The following GTF2IRD2B variants were observed in gnomAD, a reference collection of about 807,000 sequenced individuals.
The protein encoded by GTF2IRD2B is general transcription factor II-I repeat domain-containing protein 2B.
Under a neutral mutation model 55.6 loss-of-function variants are expected in GTF2IRD2B, and 10 were observed. The ratio of observed to expected loss-of-function variants is 0.18; its 90% CI spans 0.11 to 0.31. The LOEUF (loss-of-function observed/expected upper bound fraction) is 0.31. GTF2IRD2B is among the 10% of genes least tolerant of loss of function. GTF2IRD2B has a pLI of 1.00. For synonymous variants in GTF2IRD2B, 107 were observed against 320.5 expected (o/e 0.33, Z 7.12); for missense variants, 206 against 802.7 (o/e 0.26, Z 8.98).
intron 1 of GTF2IRD2B, among the ~76,000 whole-genome samples, chr7:75,104,495 C>G (rs1807703439): frequency 6.8e-6 from 1 of 147,324 alleles, no homozygotes; most frequent in Non-Finnish European, 1.5e-5. Context: ...GGAAATAGCA[C>G]TAGGCAAAAA....
At chr7:75,102,554 G>A (rs1287200447) in intron 1 of GTF2IRD2B, among the ~76,000 whole-genome samples, 1 of 151,476 alleles carries the variant, frequency 6.6e-6, no homozygotes, top group Non-Finnish European at 1.5e-5. Context: ...TAATCCCAGT[G>A]TGGATGAGGG....
rs71229657 is a variant in GTF2IRD2B at position 75,119,191 on chromosome 7, C to CAAAAAAAAAAAAAAAAAAAAAAAAAA, written c.239-1685_239-1660dup. Reference sequence around the variant, plus strand: ...CTTAGGCGACAGAGTAAGACTCTCTCAAAAAAAAAAAAAAAAAAAAAAAAA... The same window carrying CAAAAAAAAAAAAAAAAAAAAAAAAAA: ...CTTAGGCGACAGAGTAAGACTCTCTCAAAAAAAAAAAAAAAAAAAAAAAAAAAAAAAAAAAAAAAAAAAAAAAAAAA... On this transcript the variant is annotated intron_variant, in intron 3 of 15. Transcript: ENST00000472837. Among the ~76,000 whole-genome samples, 2 of 5,128 alleles carry CAAAAAAAAAAAAAAAAAAAAAAAAAA rather than the reference C, an allele frequency of 3.9e-4. 1 individual carries two copies. Among genetic ancestry groups the CAAAAAAAAAAAAAAAAAAAAAAAAAA allele is most frequent in the Non-Finnish European group, 5.2e-4 (2 of 3,830 alleles). 3.4% of individuals were successfully genotyped at this position (5,128 alleles called of 152,430 possible).
At chr7:75,114,325 T>C (rs1808071270) in intron 3 of GTF2IRD2B, among the ~76,000 whole-genome samples, 1 of 151,690 alleles carries the variant, frequency 6.6e-6, no homozygotes, top group African/African-American at 2.4e-5. Flanking sequence ...TTGTAGATTT[T>C]TTTAAGATTC....
intron 8 of GTF2IRD2B, 85 bp from the exon 9 acceptor site, chr7:75,133,050 T>A (rs1808717649): frequency 3.4e-6 from 1 of 290,356 alleles, no homozygotes; most frequent in South Asian, 3.0e-5. Flanking sequence ...ATTGCTGTAT[T>A]AATCAACTTA....
chr7:75,130,100 T>TC, intron 8 of GTF2IRD2B, among the ~76,000 whole-genome samples: 2 of 97,582 alleles, frequency 2.0e-5, no homozygotes, highest in African/African-American at 7.2e-5. Flanking sequence ...TCTCTTTCTT[T>TC]CTTTCTTTCT....
chr7:75,126,768 G>A (rs1285912083), intron 8 of GTF2IRD2B, among the ~76,000 whole-genome samples: 6 of 148,120 alleles, frequency 4.1e-5, no homozygotes, highest in Admixed American at 6.7e-5. Flanking sequence ...AGGCTGAGGC[G>A]GACAGATCGC....
At chr7:75,104,971 G>T (rs1807730812) in intron 1 of GTF2IRD2B, among the ~76,000 whole-genome samples, 1 of 152,306 alleles carries the variant, frequency 6.6e-6, no homozygotes, top group South Asian at 2.1e-4. Flanking sequence ...GCAGAAGCAG[G>T]AAGATCGCTT....
chr7:75,133,450 C>G lies in GTF2IRD2B; in HGVS notation c.748+238C>G, dbSNP rs1808729540. Among the ~76,000 whole-genome samples, 3 of 148,712 alleles carry G rather than the reference C, an allele frequency of 2.0e-5. No homozygotes were observed. In the South Asian group the frequency reaches 6.2e-4, roughly 31 times the overall value. On this transcript the variant is annotated intron_variant, in intron 9 of 15. Coordinates refer to ENST00000472837, the MANE Select transcript of GTF2IRD2B (RefSeq NM_001003795.3). ...GTCTCACCTTGTTGCCCAAGCTGTTCTCTAACTCCTGGGCTTAAGTAGTCC... is the reference window on the plus strand; with the variant it reads ...GTCTCACCTTGTTGCCCAAGCTGTTGTCTAACTCCTGGGCTTAAGTAGTCC...
intron 8 of GTF2IRD2B, among the ~76,000 whole-genome samples, chr7:75,130,571 G>A (rs1440860544): frequency 8.6e-5 from 13 of 151,892 alleles, no homozygotes; most frequent in East Asian, 1.9e-4. Flanking sequence ...TCCGCCCCCC[G>A]GGTTCAAGTG....
chr7:75,104,454 A>T (rs1554421471), intron 1 of GTF2IRD2B, among the ~76,000 whole-genome samples: 204 of 149,106 alleles, frequency 1.4e-3, no homozygotes, highest in African/African-American at 3.5e-3. Context: ...ATGACATCAT[A>T]GATCAATGGC....
rs1808430764 is a variant in GTF2IRD2B, at chr7:75,123,023, C to T, written c.359-113C>T. The T allele has an allele frequency of 8.4e-6, 13 of 1,544,326 alleles. 1 individual carries two copies. The highest frequency in any genetic ancestry group is 4.0e-5 in the Admixed American group (2 of 50,144). The stretch of plus-strand genomic sequence containing the variant: ...CGAGATCTTGCCATTGCACTCCAGC[C>T]GGGGTGGCAGAGCGAGACTCTGTTT... On this transcript the variant is annotated intron_variant, in intron 4 of 15. Transcript: ENST00000472837.
Position 75,149,724 on chromosome 7 carries a change from A to C in GTF2IRD2B, c.*427A>C, listed in dbSNP as rs7384513. 1 of 195,448 alleles carries C rather than the reference A, an allele frequency of 5.1e-6. No homozygotes were observed. Among genetic ancestry groups the C allele is most frequent in the African/African-American group, 2.6e-5 (1 of 37,814 alleles). The allele number at this position is 195,448 out of a possible 1,614,324, so 12.1% of individuals were successfully genotyped here. On this transcript the variant is annotated 3_prime_UTR_variant, in exon 16 of 16. Transcript: ENST00000472837. ...TTTTTTTTTTTTCAGTTTTTTTTCC[A>C]CTTTGAATCAGAAATATAATCTGCA...
intron 14 of GTF2IRD2B, among the ~76,000 whole-genome samples, chr7:75,143,671 GGC>G (rs1809075550): frequency 6.9e-6 from 1 of 145,708 alleles, no homozygotes; most frequent in South Asian, 2.1e-4. Context: ...TGGGCGTGGT[GGC>G]GGGCACCTGT....
chr7:75,127,029 A>AC (rs1361595197), intron 8 of GTF2IRD2B, among the ~76,000 whole-genome samples: 493 of 149,688 alleles, frequency 3.3e-3, no homozygotes, highest in African/African-American at 0.012. Context: ...AAAAACAAAA[A>AC]AAACAAAAAA....
intron 15 of GTF2IRD2B, among the ~76,000 whole-genome samples, chr7:75,145,497 GGCCGA>G (rs1216817602): frequency 6.6e-6 from 1 of 150,952 alleles, no homozygotes; most frequent in Non-Finnish European, 1.5e-5. Context: ...CACTTTGGGA[GGCCGA>G]GGCGGGCGGA....
chr7:75,093,898 G>GAA (rs1168391165), intron 1 of GTF2IRD2B: 2 of 117,760 alleles, frequency 1.7e-5, no homozygotes. Context: ...GTGTTTTAAG[G>GAA]AAAAAAAAAT....
chr7:75,107,403 G>A (rs1292761713), intron 1 of GTF2IRD2B, among the ~76,000 whole-genome samples: 10 of 150,318 alleles, frequency 6.7e-5, no homozygotes, highest in South Asian at 2.1e-4. Flanking sequence ...GTGAAACCCC[G>A]TCTCTATTAA....
chr7:75,143,855 AAAAT>A (rs1484883974), intron 14 of GTF2IRD2B, 91 bp from the exon 15 acceptor site: 14 of 417,580 alleles, frequency 3.4e-5, no homozygotes, highest in African/African-American at 1.0e-4. Context: ...CTTCTGTAAA[AAAAT>A]AAATAAGTAA....
intron 1 of GTF2IRD2B, among the ~76,000 whole-genome samples, chr7:75,107,253 T>C (rs1807835052): frequency 1.3e-5 from 2 of 152,018 alleles, no homozygotes; most frequent in Non-Finnish European, 1.5e-5. Flanking sequence ...AAATATATTC[T>C]ATAAAGTTAG....
Sources: gnomAD v4.1 joint callset for allele counts (sites outside exome capture counted in the v4.1 genomes callset) on GRCh38, gnomAD v4.1.1 for gene constraint, MANE v1.5 for transcripts, NCBI Gene and HGNC (gene_info 2026-07-23, HGNC 2026-07-21) for gene names.